Variants in HNF4G observed in about 807,000 individuals in gnomAD.
HNF4G encodes hepatocyte nuclear factor 4 gamma.
A neutral mutation model predicts 50.9 loss-of-function variants in HNF4G; 21 were observed. The observed-to-expected ratio is 0.41, with a 90% CI of 0.29 to 0.59. The LOEUF (loss-of-function observed/expected upper bound fraction) is 0.59, where lower values mean the gene tolerates loss of function less well. Ranked by LOEUF, HNF4G falls within the 20% of genes least tolerant of loss-of-function variation. The pLI is 0.26. For missense variants in HNF4G, 527 were observed against 559.4 expected, an observed-to-expected ratio of 0.94 and a Z score of 0.58; for synonymous variants, 198 against 185.6, an observed-to-expected ratio of 1.07 and a Z score of -0.54.
chr8:75,514,337 TC>T (rs1166108082), intron 2 of HNF4G, among the ~76,000 whole-genome samples: 10 of 140,778 alleles, frequency 7.1e-5, no homozygotes, highest in Non-Finnish European at 1.1e-4. Flanking sequence ...TTCTTTTTTT[TC>T]CTTTCTTTCT....
intron 5 of HNF4G, 55 bp downstream of exon 5, chr8:75,553,252 GT>G: frequency 7.0e-7 from 1 of 1,419,116 alleles, no homozygotes; most frequent in Non-Finnish European, 9.8e-7. Context: ...ACTTTGCTAA[GT>G]TTATGTTCTT....
At chr8:75,477,104 A>G (rs1812259368) in intron 1 of HNF4G, among the ~76,000 whole-genome samples, 1 of 152,220 alleles carries the variant, frequency 6.6e-6, no homozygotes, top group South Asian at 2.1e-4. Context: ...TTAATTGATA[A>G]CACCTTCAGC....
intron 2 of HNF4G, among the ~76,000 whole-genome samples, chr8:75,497,496 C>A (rs1812802816): frequency 6.6e-6 from 1 of 151,982 alleles, no homozygotes; most frequent in African/African-American, 2.4e-5. Flanking sequence ...TCAGTGTGGC[C>A]AACATGGTGA....
chr8:75,410,937 T>A (rs1328750602), intron 1 of HNF4G, among the ~76,000 whole-genome samples: 2 of 152,194 alleles, frequency 1.3e-5, no homozygotes, highest in Admixed American at 1.3e-4. Flanking sequence ...CACACACATA[T>A]AGATCAGGTA....
intron 1 of HNF4G, among the ~76,000 whole-genome samples, chr8:75,489,021 C>T (rs917634308): frequency 2.0e-5 from 3 of 152,160 alleles, no homozygotes; most frequent in African/African-American, 7.2e-5. Context: ...AGTCAAGAAG[C>T]TCCCAGCACT....
At chr8:75,413,853 T>C (rs1313411963) in intron 1 of HNF4G, among the ~76,000 whole-genome samples, 2 of 146,676 alleles carry the variant, frequency 1.4e-5, no homozygotes, top group South Asian at 2.2e-4. Flanking sequence ...AGAGACTTTG[T>C]CTAAAAGATT....
At chr8:75,548,131 C>T (rs906349619) in intron 3 of HNF4G, among the ~76,000 whole-genome samples, 10 of 151,684 alleles carry the variant, frequency 6.6e-5, no homozygotes, top group Admixed American at 5.9e-4. Context: ...ACTACAGGTG[C>T]GCATCATCAC....
intron 1 of HNF4G, among the ~76,000 whole-genome samples, chr8:75,482,471 A>T (rs1812403675): frequency 6.6e-6 from 1 of 151,414 alleles, no homozygotes. Context: ...GGTTCAAGCG[A>T]CTCTCCTGCC....
intron 2 of HNF4G, among the ~76,000 whole-genome samples, chr8:75,491,010 T>G (rs1298056550): frequency 6.6e-6 from 1 of 152,214 alleles, no homozygotes; most frequent in Non-Finnish European, 1.5e-5. Flanking sequence ...TCCAAGAAGC[T>G]ACTCCTCTCA....
chr8:75,563,830 ATGCATTCTAC>A lies in HNF4G; in HGVS notation c.1247-144_1247-135del, dbSNP rs796349663. The A allele has an allele frequency of 7.4e-6, 6 of 807,264 alleles. No individual in the cohort carries two copies. The African/African-American group carries it at 1.0e-4, about 14-fold the overall frequency. The allele number at this position is 807,264 out of a possible 1,614,324, so 50.0% of individuals were successfully genotyped here. On this transcript the variant is annotated intron_variant, in intron 9 of 9. Transcript: ENST00000396423. ...TCTAACAGTACGTCATGGGCCAATA[ATGCATTCTAC>A]AAATCACTATTCTGTGTAGGATATT...
In HNF4G at chr8:75,565,392, A is replaced by T. The variant is rs539608127; in HGVS notation, c.*1296A>T. 1 of 152,300 alleles carries T rather than the reference A, an allele frequency of 6.6e-6. No individual in the cohort carries two copies. The highest frequency in any genetic ancestry group is 2.4e-5 in the African/African-American group (1 of 41,588). The allele number at this position is 152,300 out of a possible 1,614,324, so 9.4% of individuals were successfully genotyped here. A position where few individuals can be genotyped will look rare whatever the true frequency, so the allele number is the denominator to read the frequency against. On this transcript the variant is annotated 3_prime_UTR_variant, in exon 10 of 10. Transcript: ENST00000396423. ...TTAAAAACATTAGATAAAATAAAAG[A>T]TTCACCGGATGGATTCTGATGAAAA...
At chr8:75,474,983 A>G (rs1812208599) in intron 1 of HNF4G, among the ~76,000 whole-genome samples, 1 of 151,270 alleles carries the variant, frequency 6.6e-6, no homozygotes, top group Non-Finnish European at 1.5e-5. Flanking sequence ...GGTGTGAGCC[A>G]CTGTGCCTGG....
chr8:75,565,151 C>T lies in HNF4G; in HGVS notation c.*1055C>T, dbSNP rs897240656. ...ACATAACGAGTGAGAGAAACACATT[C>T]AAGCCCAGGTCTAGTTGACTTTAAT... On this transcript the variant is annotated 3_prime_UTR_variant, in exon 10 of 10. Coordinates refer to ENST00000396423, the MANE Select transcript of HNF4G (RefSeq NM_004133.5). The T allele has an allele frequency of 6.6e-6, 1 of 152,162 alleles. No individual in the cohort carries two copies. Among genetic ancestry groups the T allele is most frequent in the Non-Finnish European group, 1.5e-5 (1 of 68,026 alleles). The allele number at this position is 152,162 out of a possible 1,614,324, so 9.4% of individuals were successfully genotyped here. A position where few individuals can be genotyped will look rare whatever the true frequency, so the allele number is the denominator to read the frequency against.
At chr8:75,429,826 G>A (rs1427731865) in intron 1 of HNF4G, among the ~76,000 whole-genome samples, 1 of 152,112 alleles carries the variant, frequency 6.6e-6, no homozygotes, top group African/African-American at 2.4e-5. Context: ...TGACAGTATG[G>A]TAGACTGAAT....
intron 1 of HNF4G, among the ~76,000 whole-genome samples, chr8:75,455,942 T>C (rs774029274): frequency 2.0e-5 from 3 of 152,092 alleles, no homozygotes; most frequent in Non-Finnish European, 2.9e-5. Flanking sequence ...ACTAATAGAA[T>C]CATTACTAAT....
At chr8:75,428,156 T>C (rs1042011032) in intron 1 of HNF4G, among the ~76,000 whole-genome samples, 1 of 152,168 alleles carries the variant, frequency 6.6e-6, no homozygotes, top group African/African-American at 2.4e-5. Context: ...GGTAGGAATA[T>C]TGATCAAAAC....
intron 1 of HNF4G, among the ~76,000 whole-genome samples, chr8:75,408,322 G>A (rs929401032): frequency 6.6e-6 from 1 of 152,124 alleles, no homozygotes; most frequent in African/African-American, 2.4e-5. Flanking sequence ...TGGCTGTAGC[G>A]GGTCATGTGA....
intron 1 of HNF4G, among the ~76,000 whole-genome samples, chr8:75,485,500 C>A (rs1812478351): frequency 7.0e-6 from 1 of 141,862 alleles, no homozygotes; most frequent in African/African-American, 2.9e-5. Context: ...TAAGCCTATA[C>A]CATAGAAACT....
intron 1 of HNF4G, among the ~76,000 whole-genome samples, chr8:75,412,857 A>G (rs1810533581): frequency 6.6e-6 from 1 of 152,160 alleles, no homozygotes. Context: ...ATCACTGCAA[A>G]CAGTGATAAT....
Sources: gnomAD v4.1 joint callset for allele counts (sites outside exome capture counted in the v4.1 genomes callset) on GRCh38, gnomAD v4.1.1 for gene constraint, MANE v1.5 for transcripts, NCBI Gene and HGNC (gene_info 2026-07-23, HGNC 2026-07-21) for gene names.